The following PTPRE variants were observed in gnomAD, a reference collection of about 807,000 sequenced individuals.
The protein encoded by PTPRE is protein tyrosine phosphatase receptor type E, also known as receptor-type tyrosine-protein phosphatase epsilon.
A neutral mutation model predicts 102.0 loss-of-function variants in PTPRE; 51 were observed. That is an observed-to-expected ratio of 0.50 (90% confidence interval 0.40 to 0.63). The LOEUF (loss-of-function observed/expected upper bound fraction) is 0.63, where lower values mean the gene tolerates loss of function less well. Ranked by LOEUF, PTPRE falls within the 30% of genes least tolerant of loss-of-function variation. The pLI is 0.00. For missense variants in PTPRE, 752 were observed against 915.1 expected, an observed-to-expected ratio of 0.82 and a Z score of 2.30; for synonymous variants, 345 against 348.2, an observed-to-expected ratio of 0.99 and a Z score of 0.10.
intron 10 of PTPRE, 52 bp downstream of exon 10, chr10:128,063,232 C>T (rs764241214): frequency 1.2e-5 from 20 of 1,603,660 alleles, no homozygotes; most frequent in East Asian, 2.2e-5. Context: ...CTGCTGCTGC[C>T]GGGCTGGGGA....
At chr10:128,009,362 G>A (rs1205341990) in intron 2 of PTPRE, among the ~76,000 whole-genome samples, 1 of 152,344 alleles carries the variant, frequency 6.6e-6, no homozygotes, top group African/African-American at 2.4e-5. Flanking sequence ...TGAGCTTGAT[G>A]TTCTGTTAAT....
At chr10:127,962,686 C>G (rs918583783) in intron 1 of PTPRE, among the ~76,000 whole-genome samples, 3 of 152,214 alleles carry the variant, frequency 2.0e-5, no homozygotes, top group Non-Finnish European at 4.4e-5. Flanking sequence ...TGTGCCCTCC[C>G]CAACGCCCAG....
In PTPRE at chr10:127,907,886, G is replaced by A. The variant is rs1011223487; in HGVS notation, c.-31+577G>A. ...CCGCCGGGGGTCGGAGATGCGGCAG[G>A]GAGACCCTGGCAGGTGGTCCAGGCT... On this transcript the variant is annotated intron_variant, in intron 1 of 20. Coordinates refer to ENST00000254667, the MANE Select transcript of PTPRE (RefSeq NM_006504.6). The surrounding 1 kb of genome is among the most constrained non-coding windows in gnomAD (Gnocchi z 4.8). Among the ~76,000 whole-genome samples, 12 of 152,188 alleles carry A rather than the reference G, an allele frequency of 7.9e-5. No homozygotes were observed. The highest frequency in any genetic ancestry group is 2.9e-4 in the African/African-American group (12 of 41,456).
At chr10:127,933,574 T>A (rs1188516816) in intron 1 of PTPRE, among the ~76,000 whole-genome samples, 1 of 152,256 alleles carries the variant, frequency 6.6e-6, no homozygotes, top group Non-Finnish European at 1.5e-5. Context: ...TGTGCTCAGA[T>A]GTATAGCATA....
intron 1 of PTPRE, among the ~76,000 whole-genome samples, chr10:127,968,354 G>A (rs972077548): frequency 6.6e-6 from 1 of 152,158 alleles, no homozygotes; most frequent in African/African-American, 2.4e-5. Flanking sequence ...TTGTACAAGG[G>A]CCACCGTGTG....
chr10:127,915,548 A>G (rs1222059567), intron 1 of PTPRE, among the ~76,000 whole-genome samples: 1 of 152,180 alleles, frequency 6.6e-6, no homozygotes, highest in Non-Finnish European at 1.5e-5. Context: ...TCTACTGGAG[A>G]TGTTATCAGT....
intron 2 of PTPRE, among the ~76,000 whole-genome samples, chr10:128,038,663 G>T (rs1320583620): frequency 7.5e-6 from 1 of 132,604 alleles, no homozygotes; most frequent in African/African-American, 2.8e-5. Context: ...GTCGTGGGGT[G>T]GGGGGAGGGG....
intron 1 of PTPRE, among the ~76,000 whole-genome samples, chr10:127,955,361 C>CTTA (rs1383500343): frequency 1.2e-4 from 18 of 152,102 alleles, no homozygotes; most frequent in African/African-American, 4.1e-4. Flanking sequence ...CAGTGAGGTG[C>CTTA]TTATCGAAGG....
At chr10:127,979,031 T>C in intron 1 of PTPRE, among the ~76,000 whole-genome samples, 1 of 151,968 alleles carries the variant, frequency 6.6e-6, no homozygotes, top group Non-Finnish European at 1.5e-5. Flanking sequence ...AAAAAATAAA[T>C]AAACAAATAA....
At chr10:128,049,404 A>G in intron 5 of PTPRE, 126 bp from the exon 6 acceptor site, 1 of 1,253,592 alleles carries the variant, frequency 8.0e-7, no homozygotes, top group Non-Finnish European at 1.1e-6. Context: ...CAGCTATGCG[A>G]TTTGAGAGAA....
At chr10:127,991,539 C>G (rs1852656280) in intron 2 of PTPRE, among the ~76,000 whole-genome samples, 1 of 152,220 alleles carries the variant, frequency 6.6e-6, no homozygotes, top group South Asian at 2.1e-4. Flanking sequence ...GAATGGAATG[C>G]TCTCTAGAAA....
intron 1 of PTPRE, among the ~76,000 whole-genome samples, chr10:127,918,028 C>CA (rs960719522): frequency 4.0e-5 from 6 of 150,232 alleles, no homozygotes; most frequent in South Asian, 2.1e-4. Context: ...GACACCATCT[C>CA]AAAAAAAAAG....
chr10:128,016,328 T>C (rs1418479491), intron 2 of PTPRE, among the ~76,000 whole-genome samples: 1 of 152,194 alleles, frequency 6.6e-6, no homozygotes, highest in African/African-American at 2.4e-5. Flanking sequence ...TTGCAGCTTC[T>C]GTTACAGTAA....
chr10:127,942,059 G>A (rs867845201), intron 1 of PTPRE, among the ~76,000 whole-genome samples: 27 of 152,062 alleles, frequency 1.8e-4, no homozygotes, highest in African/African-American at 5.6e-4. Context: ...AAATAGGTCA[G>A]CCTCCCCTGA....
intron 2 of PTPRE, among the ~76,000 whole-genome samples, chr10:127,993,613 G>A (rs557133759): frequency 5.4e-4 from 83 of 152,312 alleles, no homozygotes; most frequent in African/African-American, 2.0e-3. Flanking sequence ...GGGGGAGTAG[G>A]GAGAAGACAG....
chr10:127,983,299 G>A (rs1485856569), intron 2 of PTPRE, among the ~76,000 whole-genome samples: 1 of 152,212 alleles, frequency 6.6e-6, no homozygotes, highest in African/African-American at 2.4e-5. Flanking sequence ...GATTAAGCTA[G>A]AGAAGAGGGA....
chr10:127,974,102 G>A (rs1399321850), intron 1 of PTPRE, among the ~76,000 whole-genome samples: 3 of 152,178 alleles, frequency 2.0e-5, no homozygotes, highest in Admixed American at 2.0e-4. Flanking sequence ...GAATGCCCAG[G>A]CTTGCAGACT....
chr10:128,072,135 C>T lies in PTPRE; in HGVS notation c.1388-3C>T. On this transcript the variant is annotated splice_region_variant and splice_polypyrimidine_tract_variant and intron_variant, in intron 15 of 20. Coordinates refer to ENST00000254667, the MANE Select transcript of PTPRE (RefSeq NM_006504.6). ...ATAACTAAAGGAAGATAATGCTTTGCAGATGACTTCAACCGAGTGATCCTT... is the reference window on the plus strand; with the variant it reads ...ATAACTAAAGGAAGATAATGCTTTGTAGATGACTTCAACCGAGTGATCCTT... The T allele has an allele frequency of 6.2e-7, 1 of 1,613,094 alleles. No individual in the cohort carries two copies. Among genetic ancestry groups the T allele is most frequent in the African/African-American group, 1.3e-5 (1 of 75,012 alleles).
chr10:127,948,703 G>T (rs1040680756), intron 1 of PTPRE, among the ~76,000 whole-genome samples: 1 of 152,138 alleles, frequency 6.6e-6, no homozygotes, highest in Non-Finnish European at 1.5e-5. Flanking sequence ...TCCTTTTAGC[G>T]CTGAATAGCA....
Sources: allele counts gnomAD v4.1 joint callset (sites outside exome capture counted in the v4.1 genomes callset), GRCh38; gene constraint gnomAD v4.1.1; non-coding constraint Gnocchi (gnomAD v3.1); transcripts MANE v1.5; gene names NCBI Gene and HGNC (gene_info 2026-07-23, HGNC 2026-07-21).